Variants in ROBO2 observed in about 807,000 individuals in gnomAD.
ROBO2 encodes the protein roundabout homolog 2.
Under a neutral mutation model 160.8 loss-of-function variants are expected in ROBO2, and 53 were observed. The ratio of observed to expected loss-of-function variants is 0.33; its 90% CI spans 0.26 to 0.41. The LOEUF (loss-of-function observed/expected upper bound fraction) is 0.41. Ranked by LOEUF, ROBO2 falls within the 10% of genes least tolerant of loss-of-function variation. The pLI, the probability that ROBO2 is intolerant of heterozygous loss-of-function variation, is 1.00. For synonymous variants in ROBO2, 664 were observed against 611.7 expected (o/e 1.09, Z -1.26); for missense variants, 1,577 against 1,722.4 (o/e 0.92, Z 1.49).
intron 2 of ROBO2, among the ~76,000 whole-genome samples, chr3:76,994,697 G>A (rs1315438317): frequency 6.6e-6 from 1 of 152,108 alleles, no homozygotes; most frequent in Non-Finnish European, 1.5e-5. Context: ...CAAGATACCT[G>A]TTCTTGGAGA....
chr3:77,296,088 A>C (rs1347830050), intron 2 of ROBO2, among the ~76,000 whole-genome samples: 1 of 151,898 alleles, frequency 6.6e-6, no homozygotes, highest in South Asian at 2.1e-4. Context: ...CCAGATATGA[A>C]GTAAAATTGA....
At chr3:77,523,843 C>A (rs553200761) in intron 6 of ROBO2, among the ~76,000 whole-genome samples, 6 of 151,410 alleles carry the variant, frequency 4.0e-5, no homozygotes, top group African/African-American at 1.2e-4. Context: ...TGTTTTCATC[C>A]AAGTCTCAGT....
At chr3:77,098,570 G>A (rs973002176) in intron 2 of ROBO2, among the ~76,000 whole-genome samples, 22 of 152,078 alleles carry the variant, frequency 1.4e-4, no homozygotes, top group African/African-American at 4.8e-4. Context: ...AAAGCAGGCC[G>A]GGCGCGGTGG....
intron 2 of ROBO2, among the ~76,000 whole-genome samples, chr3:76,013,772 C>T (rs550355755): frequency 4.8e-5 from 7 of 146,684 alleles, no homozygotes; most frequent in African/African-American, 1.3e-4. Context: ...GTGGTCTATG[C>T]GTGTAATCCC....
intron 1 of ROBO2, among the ~76,000 whole-genome samples, chr3:77,053,343 A>AT (rs1481600232): frequency 6.6e-6 from 1 of 152,104 alleles, no homozygotes; most frequent in Admixed American, 6.6e-5. Context: ...TTTTAAACTT[A>AT]TTTTTTATAT....
intron 2 of ROBO2, among the ~76,000 whole-genome samples, chr3:76,159,750 T>C (rs1042198035): frequency 1.3e-5 from 2 of 152,168 alleles, no homozygotes; most frequent in Non-Finnish European, 2.9e-5. Flanking sequence ...TAAGTAATGA[T>C]ACCAGCCACC....
chr3:76,434,748 G>A, intron 2 of ROBO2: 2 of 1,138,058 alleles, frequency 1.8e-6, no homozygotes, highest in Non-Finnish European at 2.7e-6. Context: ...AGGCTCAGAT[G>A]AGTCCGCTTC....
intron 2 of ROBO2, among the ~76,000 whole-genome samples, chr3:77,140,684 C>T (rs1211214075): frequency 6.6e-6 from 1 of 152,170 alleles, no homozygotes; most frequent in Non-Finnish European, 1.5e-5. Flanking sequence ...ACTCCCAACA[C>T]TTTGTCCTCC....
intron 2 of ROBO2, among the ~76,000 whole-genome samples, chr3:77,304,853 T>A (rs2153416293): frequency 6.6e-6 from 1 of 152,296 alleles, no homozygotes; most frequent in East Asian, 1.9e-4. Flanking sequence ...TAAATTTGTC[T>A]GTGACGTGTC....
intron 1 of ROBO2, among the ~76,000 whole-genome samples, chr3:75,910,273 T>G (rs1309296357): frequency 6.6e-6 from 1 of 152,188 alleles, no homozygotes; most frequent in African/African-American, 2.4e-5. Flanking sequence ...TGAGGAGTTG[T>G]GGGTAGCTTG....
At chr3:76,282,344 A>G (rs1291361770) in intron 2 of ROBO2, among the ~76,000 whole-genome samples, 4 of 152,034 alleles carry the variant, frequency 2.6e-5, no homozygotes, top group African/African-American at 7.2e-5. Flanking sequence ...TAAATTTTAC[A>G]TTGTTAGACT....
At chr3:77,257,843 C>T (rs1441950) in intron 2 of ROBO2, among the ~76,000 whole-genome samples, 122,603 of 152,188 alleles carry the variant, frequency 0.81, 49,963 homozygotes, top group East Asian at 0.95. Context: ...GCAATACATA[C>T]TGAGAAAAAA....
intron 2 of ROBO2, among the ~76,000 whole-genome samples, chr3:76,546,488 C>T (rs2083108191): frequency 6.6e-6 from 1 of 151,830 alleles, no homozygotes; most frequent in African/African-American, 2.4e-5. Flanking sequence ...ACTGACCTTA[C>T]ATTAGGGAGA....
chr3:76,052,959 T>C (rs550042262), intron 2 of ROBO2, among the ~76,000 whole-genome samples: 3 of 152,132 alleles, frequency 2.0e-5, no homozygotes, highest in African/African-American at 7.2e-5. Context: ...AATATAACCT[T>C]TGGTTATTTA....
intron 2 of ROBO2, among the ~76,000 whole-genome samples, chr3:76,301,354 A>T (rs1036957299): frequency 6.6e-6 from 1 of 152,122 alleles, no homozygotes. Flanking sequence ...TTGAAAATTA[A>T]TATTATCTAA....
intron 2 of ROBO2, among the ~76,000 whole-genome samples, chr3:76,272,441 G>A (rs1345939139): frequency 6.6e-6 from 1 of 151,648 alleles, no homozygotes; most frequent in Admixed American, 6.6e-5. Context: ...GAGGTGGGTG[G>A]ATCATGAGGT....
chr3:76,486,589 A>G (rs184862060), intron 2 of ROBO2, among the ~76,000 whole-genome samples: 82 of 152,300 alleles, frequency 5.4e-4, no homozygotes, highest in Non-Finnish European at 9.1e-4. Flanking sequence ...AAACTCATAT[A>G]TCTTTGAAAT....
chr3:77,340,244 G>T (rs924253898), intron 2 of ROBO2, among the ~76,000 whole-genome samples: 1 of 151,954 alleles, frequency 6.6e-6, no homozygotes, highest in African/African-American at 2.4e-5. Context: ...CCTCCAGTTG[G>T]GTTTGCAAAC....
intron 2 of ROBO2, among the ~76,000 whole-genome samples, chr3:76,185,659 A>G (rs555509335): frequency 1.3e-5 from 2 of 152,230 alleles, no homozygotes; most frequent in South Asian, 2.1e-4. Context: ...ATACAATATT[A>G]TTTGTTACAA....
Sources: allele counts gnomAD v4.1 joint callset (sites outside exome capture counted in the v4.1 genomes callset), GRCh38; gene constraint gnomAD v4.1.1; transcripts MANE v1.5; gene names NCBI Gene and HGNC (gene_info 2026-07-23, HGNC 2026-07-21).